CAGE1: variants seen among roughly 807,000 people sequenced by gnomAD.
CAGE1 encodes cancer antigen 1, also known as cancer-associated gene 1 protein.
A neutral mutation model predicts 94.9 loss-of-function variants in CAGE1; 66 were observed. The ratio of observed to expected loss-of-function variants is 0.70; its 90% CI spans 0.57 to 0.85. The LOEUF (loss-of-function observed/expected upper bound fraction) is 0.85, where lower values mean the gene tolerates loss of function less well. CAGE1 is among the 40% of genes least tolerant of loss of function. The pLI, the probability that CAGE1 is intolerant of heterozygous loss-of-function variation, is 0.00. For synonymous variants in CAGE1, 319 were observed against 321.0 expected (o/e 0.99, Z 0.07); for missense variants, 865 against 950.4 (o/e 0.91, Z 1.18).
At chr6:7,363,164 G>A (rs1175847427) in intron 9 of CAGE1, among the ~76,000 whole-genome samples, 1 of 152,152 alleles carries the variant, frequency 6.6e-6, no homozygotes, top group Non-Finnish European at 1.5e-5. Flanking sequence ...CAGCTACTTA[G>A]GAGGCTGAGG....
At chr6:7,336,980 G>A (rs1758975666) in intron 11 of CAGE1, among the ~76,000 whole-genome samples, 2 of 152,076 alleles carry the variant, frequency 1.3e-5, no homozygotes, top group South Asian at 4.1e-4. Context: ...TTACAAATAT[G>A]TTCTTCCAGA....
At chr6:7,359,298 C>T (rs1488743007) in intron 9 of CAGE1, among the ~76,000 whole-genome samples, 4 of 152,178 alleles carry the variant, frequency 2.6e-5, no homozygotes, top group Admixed American at 6.5e-5. Context: ...CCACCCACCT[C>T]GGCCTCCCAA....
intron 13 of CAGE1, chr6:7,329,132 C>T: frequency 2.8e-6 from 1 of 357,556 alleles, no homozygotes; most frequent in Non-Finnish European, 5.0e-6. Context: ...GAGGGTTCCC[C>T]ATGTTGGTCA....
rs115723201 is a variant in CAGE1, at chr6:7,369,761, C to T, written c.1893+158G>A. ...AGATAAGCAGAAAGAAGACATGGGGCGAAGAAGGGTTGGATGGATGGCTTA... is the reference window on the plus strand; with the variant it reads ...AGATAAGCAGAAAGAAGACATGGGGTGAAGAAGGGTTGGATGGATGGCTTA... On this transcript the variant is annotated intron_variant, in intron 6 of 13. Coordinates refer to ENST00000502583, the MANE Select transcript of CAGE1 (RefSeq NM_001170692.2). 4.3e-3 allele frequency among the ~76,000 whole-genome samples: 658 copies of T among 152,218 alleles called. 4 individuals carry two copies. Among genetic ancestry groups the T allele is most frequent in the Middle Eastern group, 0.017 (5 of 294 alleles).
At chr6:7,341,765 G>A (rs1196307504) in intron 11 of CAGE1, 2 of 687,110 alleles carry the variant, frequency 2.9e-6, no homozygotes, top group Non-Finnish European at 5.6e-6. Flanking sequence ...ACCATGGCCA[G>A]TGCAGAGAAG....
rs1011462418 is a variant in CAGE1, at chr6:7,365,886, TAAGAA to T, written c.2005-7_2005-3del. On this transcript the variant is annotated splice_polypyrimidine_tract_variant and splice_region_variant and intron_variant, in intron 7 of 13. Coordinates refer to ENST00000502583, the MANE Select transcript of CAGE1 (RefSeq NM_001170692.2). ...GATTCTATCTTTATGTTTCAGTAGCTAAGAAAAGGAAAACATTCTGTATTTTAGAG... is the reference window on the plus strand; with the variant it reads ...GATTCTATCTTTATGTTTCAGTAGCTAAGGAAAACATTCTGTATTTTAGAG... The T allele has an allele frequency of 1.2e-5, 18 of 1,459,286 alleles. No homozygotes were observed. The African/African-American group carries it at 2.3e-4, about 18-fold the overall frequency. The allele number at this position is 1,459,286 out of a possible 1,614,324, so 90.4% of individuals were successfully genotyped here. A position where few individuals can be genotyped will look rare whatever the true frequency, so the allele number is the denominator to read the frequency against.
At chr6:7,345,751 G>A (rs547324275) in intron 11 of CAGE1, among the ~76,000 whole-genome samples, 12 of 151,768 alleles carry the variant, frequency 7.9e-5, no homozygotes, top group Non-Finnish European at 1.5e-4. Flanking sequence ...CTAAAACCCC[G>A]TCTCTACTAA....
intron 4 of CAGE1, among the ~76,000 whole-genome samples, chr6:7,377,286 C>G (rs1452002305): frequency 6.6e-6 from 1 of 152,076 alleles, no homozygotes; most frequent in Non-Finnish European, 1.5e-5. Context: ...AACAATCTTG[C>G]GAAACCCTAT....
At chr6:7,331,534 G>A (rs1561845216) in intron 12 of CAGE1, 3 of 394,230 alleles carry the variant, frequency 7.6e-6, no homozygotes, top group Non-Finnish European at 1.5e-5. Context: ...GCCCTGGTTT[G>A]AAACTCTTTG....
chr6:7,375,431 C>CA (rs1033186879), intron 4 of CAGE1, among the ~76,000 whole-genome samples: 114 of 151,198 alleles, frequency 7.5e-4, no homozygotes, highest in Admixed American at 1.7e-3. Flanking sequence ...AACAAACAAA[C>CA]AAAAAAAACA....
In CAGE1 at chr6:7,389,552, C is replaced by T; in HGVS notation, c.-374G>A. The T allele has an allele frequency of 5.9e-6, 2 of 341,422 alleles. No individual in the cohort carries two copies. Among genetic ancestry groups the T allele is most frequent in the Non-Finnish European group, 5.9e-6 (1 of 170,778 alleles). The allele number at this position is 341,422 out of a possible 1,614,324, so 21.1% of individuals were successfully genotyped here. A position where few individuals can be genotyped will look rare whatever the true frequency, so the allele number is the denominator to read the frequency against. Reference sequence around the variant, plus strand: ...AGAGAGTGGTGAAGTTAGGAAGGTACGACCCCCTAGGCCGAACAGCCTGTG... The same window carrying T: ...AGAGAGTGGTGAAGTTAGGAAGGTATGACCCCCTAGGCCGAACAGCCTGTG... On this transcript the variant is annotated 5_prime_UTR_variant, in exon 1 of 14. Coordinates refer to ENST00000502583, the MANE Select transcript of CAGE1 (RefSeq NM_001170692.2).
Position 7,378,874 on chromosome 6 carries a change from G to C in CAGE1, c.430C>G (p.Gln144Glu). 6.2e-7 allele frequency: 1 copy of C among 1,611,498 alleles called. No homozygotes were observed. Among genetic ancestry groups the C allele is most frequent in the South Asian group, 1.1e-5 (1 of 90,808 alleles). Residue 144 changes from glutamine to glutamate, a missense_variant, in exon 4 of 14, where the codon CAA (glutamine) becomes GAA (glutamate). Transcript: ENST00000502583. ...TTTGCATAATTATACACTTGACTTT[G>C]AAATTCTGGCTTCTCTGTCATTTCA... ...DDEMTEKPEFQSQVYNYAKDN... is the reference protein window; with the variant it reads ...DDEMTEKPEFESQVYNYAKDN...
chr6:7,374,652 G>C (rs962132889), intron 4 of CAGE1, among the ~76,000 whole-genome samples: 6 of 151,558 alleles, frequency 4.0e-5, no homozygotes, highest in African/African-American at 1.5e-4. Context: ...TCATTATTCT[G>C]TGACTCTCAG....
At chr6:7,379,135 A>G (rs1031532620) in intron 3 of CAGE1, 115 bp from the exon 4 acceptor site, 1 of 651,662 alleles carries the variant, frequency 1.5e-6, no homozygotes, top group Non-Finnish European at 2.4e-6. Context: ...ATTATATATT[A>G]TTTCAACCTT....
At chr6:7,382,208 T>C (rs1436231992) in intron 3 of CAGE1, among the ~76,000 whole-genome samples, 1 of 152,174 alleles carries the variant, frequency 6.6e-6, no homozygotes, top group African/African-American at 2.4e-5. Flanking sequence ...ATTATACATA[T>C]TGCATGTATC....
intron 4 of CAGE1, among the ~76,000 whole-genome samples, chr6:7,378,313 T>C (rs1320053195): frequency 6.6e-6 from 1 of 152,250 alleles, no homozygotes; most frequent in Non-Finnish European, 1.5e-5. Context: ...TTGGTAGAGC[T>C]AATCCTCAAG....
chr6:7,342,179 C>G (rs1382891426), intron 11 of CAGE1: 11 of 1,005,266 alleles, frequency 1.1e-5, no homozygotes, highest in Non-Finnish European at 1.8e-5. Context: ...GACAGTTGGG[C>G]CCCCTGCCCA....
In CAGE1 at chr6:7,341,791, T is replaced by C. The variant is rs555378082; in HGVS notation, c.2370-7701A>G. 3.8e-5 allele frequency: 26 copies of C among 682,738 alleles called. No individual in the cohort carries two copies. In the East Asian group the frequency reaches 8.5e-4, roughly 22 times the overall value. 42.3% of individuals were successfully genotyped at this position (682,738 alleles called of 1,614,324 possible). ...TGCAGAGAAGACAGAGCAGCAGCCA[T>C]TTAGAACAACCACATTTTCTGGATC... On this transcript the variant is annotated intron_variant, in intron 11 of 13. Transcript: ENST00000502583.
At chr6:7,376,558 C>T (rs1561866048) in intron 4 of CAGE1, among the ~76,000 whole-genome samples, 1 of 152,100 alleles carries the variant, frequency 6.6e-6, no homozygotes, top group African/African-American at 2.4e-5. Flanking sequence ...GACCTAGCCT[C>T]CAGAACCGTG....
Sources: allele counts gnomAD v4.1 joint callset (sites outside exome capture counted in the v4.1 genomes callset), GRCh38; gene constraint gnomAD v4.1.1; transcripts MANE v1.5; gene names NCBI Gene and HGNC (gene_info 2026-07-23, HGNC 2026-07-21).